Variants in ULK4 observed in about 807,000 individuals in gnomAD.
ULK4 encodes unc-51 like kinase 4.
A neutral mutation model predicts 160.6 loss-of-function variants in ULK4; 133 were observed. That is an observed-to-expected ratio of 0.83 (90% CI 0.72 to 0.96). The LOEUF (loss-of-function observed/expected upper bound fraction) is 0.96, where lower values mean the gene tolerates loss of function less well. Ranked by LOEUF, ULK4 falls within the 40% of genes least tolerant of loss-of-function variation. The pLI, the probability that ULK4 is intolerant of heterozygous loss-of-function variation, is 0.00. For missense variants in ULK4, 1,580 were observed against 1,499.5 expected (o/e 1.05, Z -0.89); for synonymous variants, 534 against 539.8 (o/e 0.99, Z 0.15).
At chr3:41,385,081 T>C (rs1184863986) in intron 35 of ULK4, among the ~76,000 whole-genome samples, 1 of 152,092 alleles carries the variant, frequency 6.6e-6, no homozygotes, top group Admixed American at 6.5e-5. Flanking sequence ...ATTAAGTAGA[T>C]ATTAATGATA....
chr3:41,721,362 A>ATATATATATTTTT (rs1553639902), intron 22 of ULK4, among the ~76,000 whole-genome samples: 1 of 27,934 alleles, frequency 3.6e-5, no homozygotes, highest in African/African-American at 1.9e-4. Context: ...ATATATATAT[A>ATATATATATTTTT]TTTTTTTTTT....
intron 4 of ULK4, among the ~76,000 whole-genome samples, chr3:41,934,712 T>C (rs1699703297): frequency 6.6e-6 from 1 of 152,194 alleles, no homozygotes; most frequent in African/African-American, 2.4e-5. Flanking sequence ...GACTCTACTA[T>C]ACTGAAGCAC....
intron 27 of ULK4, among the ~76,000 whole-genome samples, chr3:41,682,358 C>CA (rs150175274): frequency 0.023 from 3,477 of 152,166 alleles, 116 homozygotes; most frequent in African/African-American, 0.073. Flanking sequence ...AACTTAACCC[C>CA]AAAAAACAAG....
chr3:41,736,680 G>GA (rs2038062287), intron 22 of ULK4, among the ~76,000 whole-genome samples: 1 of 151,134 alleles, frequency 6.6e-6, no homozygotes, highest in South Asian at 2.1e-4. Context: ...TTGCTGTGCA[G>GA]AAGCTCTTTA....
intron 35 of ULK4, among the ~76,000 whole-genome samples, chr3:41,339,577 C>A (rs568351197): frequency 6.6e-6 from 1 of 152,288 alleles, no homozygotes; most frequent in African/African-American, 2.4e-5. Context: ...ATTCCCAAAT[C>A]CTCATCTCAA....
chr3:41,445,854 A>C (rs971526262), intron 34 of ULK4, among the ~76,000 whole-genome samples: 25 of 152,136 alleles, frequency 1.6e-4, no homozygotes, highest in Non-Finnish European at 2.5e-4. Context: ...CAATGGCAAC[A>C]AAAGACAAAA....
rs1201179964 is a variant in ULK4 at position 41,452,928 on chromosome 3, G to GT, written c.3492+2568dup. The stretch of plus-strand genomic sequence containing the variant: ...TCCCAAACATGGAATAAAGTTAAGA[G>GT]TTTAACGTGTTCGCAGTTAATCCAG... On this transcript the variant is annotated intron_variant, in intron 34 of 36. Coordinates refer to ENST00000301831, the MANE Select transcript of ULK4 (RefSeq NM_017886.4). Among the ~76,000 whole-genome samples, 9 of 152,208 alleles carry GT rather than the reference G, an allele frequency of 5.9e-5. No homozygotes were observed. In the South Asian group the frequency reaches 1.9e-3, roughly 32 times the overall value.
chr3:41,455,630 T>C, intron 33 of ULK4, 35 bp from the exon 34 acceptor site: 1 of 1,605,026 alleles, frequency 6.2e-7, no homozygotes, highest in Non-Finnish European at 8.5e-7. Context: ...AAGACGGTCT[T>C]GGTGATTAGT....
At chr3:41,673,004 A>T (rs535683121) in intron 29 of ULK4, among the ~76,000 whole-genome samples, 158 of 151,848 alleles carry the variant, frequency 1.0e-3, no homozygotes, top group Non-Finnish European at 1.8e-4. Context: ...TGCCCAGCTA[A>T]TTTTTTCTAA....
At chr3:41,684,045 G>C (rs1248352344) in intron 27 of ULK4, among the ~76,000 whole-genome samples, 1 of 152,174 alleles carries the variant, frequency 6.6e-6, no homozygotes, top group Non-Finnish European at 1.5e-5. Flanking sequence ...CATGCAGACT[G>C]TTGGATGACT....
chr3:41,859,578 G>A, intron 17 of ULK4: 1 of 533,498 alleles, frequency 1.9e-6, no homozygotes. Flanking sequence ...AAGGCACCAT[G>A]AGGCCATAAT....
intron 30 of ULK4, among the ~76,000 whole-genome samples, chr3:41,639,022 T>C (rs572022749): frequency 6.6e-6 from 1 of 152,330 alleles, no homozygotes; most frequent in African/African-American, 2.4e-5. Context: ...AACAGAACCA[T>C]GATGCCAAAA....
intron 7 of ULK4, among the ~76,000 whole-genome samples, chr3:41,918,200 T>C (rs893507318): frequency 3.9e-5 from 6 of 152,166 alleles, no homozygotes; most frequent in Non-Finnish European, 7.3e-5. Flanking sequence ...TTTTAAGTCT[T>C]TAAGCCATAC....
chr3:41,681,036 C>T (rs2035905748), intron 29 of ULK4, among the ~76,000 whole-genome samples: 1 of 152,150 alleles, frequency 6.6e-6, no homozygotes, highest in Admixed American at 6.5e-5. Flanking sequence ...ATACTCATTA[C>T]CTGTTCCGCC....
chr3:41,791,203 C>A (rs2040140117), intron 20 of ULK4, among the ~76,000 whole-genome samples: 1 of 152,162 alleles, frequency 6.6e-6, no homozygotes, highest in African/African-American at 2.4e-5. Context: ...ACCGTGTTAG[C>A]CAGGATGGTC....
intron 34 of ULK4, among the ~76,000 whole-genome samples, chr3:41,408,061 A>T (rs1435722162): frequency 6.6e-6 from 1 of 152,092 alleles, no homozygotes; most frequent in Admixed American, 6.6e-5. Flanking sequence ...TCTGAAGTTG[A>T]AATTAAGAAA....
At chr3:41,507,044 T>A (rs1172245938) in intron 32 of ULK4, among the ~76,000 whole-genome samples, 1 of 149,878 alleles carries the variant, frequency 6.7e-6, no homozygotes, top group African/African-American at 2.4e-5. Context: ...GCAGTTCATG[T>A]ACACCTGGTT....
rs188091481 is a variant in ULK4 at position 41,923,001 on chromosome 3, G to A, written c.542-3183C>T. Among the ~76,000 whole-genome samples, 447 of 147,664 alleles carry A rather than the reference G, an allele frequency of 3.0e-3. 2 individuals carry two copies. The highest frequency in any genetic ancestry group is 4.9e-3 in the Non-Finnish European group (328 of 66,768). ...AGCCTGGCCAACATAGTGAAACCCC[G>A]TCTCTATTAAAAATACAAAAAAATT... On this transcript the variant is annotated intron_variant, in intron 5 of 36. Coordinates refer to ENST00000301831, the MANE Select transcript of ULK4 (RefSeq NM_017886.4).
At chr3:41,306,634 G>A (rs1460064665) in intron 35 of ULK4, among the ~76,000 whole-genome samples, 3 of 151,884 alleles carry the variant, frequency 2.0e-5, no homozygotes, top group Non-Finnish European at 2.9e-5. Context: ...CCACCACCCC[G>A]TCTGGGAGGT....
Sources: gnomAD v4.1 joint callset for allele counts (sites outside exome capture counted in the v4.1 genomes callset) on GRCh38, gnomAD v4.1.1 for gene constraint, MANE v1.5 for transcripts, NCBI Gene and HGNC (gene_info 2026-07-23, HGNC 2026-07-21) for gene names.